RBFOX1: variants seen among roughly 807,000 people sequenced by gnomAD.
RBFOX1 encodes RNA binding protein fox-1 homolog 1.
Under a neutral mutation model 57.7 loss-of-function variants are expected in RBFOX1, and 8 were observed. The observed-to-expected ratio is 0.14, with a 90% CI of 0.08 to 0.25. RBFOX1 has a LOEUF of 0.25. Ranked by LOEUF, RBFOX1 falls within the 10% of genes least tolerant of loss-of-function variation. RBFOX1 has a pLI of 1.00. For missense variants in RBFOX1, 611 were observed against 548.5 expected (o/e 1.11, Z -1.14); for synonymous variants, 326 against 222.4 (o/e 1.47, Z -4.15).
At chr16:6,594,249 G>A (rs989145772) in intron 2 of RBFOX1, among the ~76,000 whole-genome samples, 2 of 152,166 alleles carry the variant, frequency 1.3e-5, no homozygotes, top group Admixed American at 1.3e-4. Context: ...GCTAAATGAA[G>A]AAGGAAACAC....
Position 7,711,235 on chromosome 16 carries a change from A to G in RBFOX1, c.*490A>G, listed in dbSNP as rs1477525382. ...CTGGGGTTTGGCTGAAAGAAAAAAA[A>G]AAAAATGTAACTGATGAATCTAAAC... On this transcript the variant is annotated 3_prime_UTR_variant, in exon 16 of 16. Transcript: ENST00000550418. 1 of 152,362 alleles carries G rather than the reference A, an allele frequency of 6.6e-6. No individual in the cohort carries two copies. Among genetic ancestry groups the G allele is most frequent in the African/African-American group, 2.4e-5 (1 of 41,386 alleles). 9.4% of individuals were successfully genotyped at this position (152,362 alleles called of 1,614,324 possible).
At chr16:6,930,600 G>A (rs1033724762) in intron 3 of RBFOX1, among the ~76,000 whole-genome samples, 1 of 152,044 alleles carries the variant, frequency 6.6e-6, no homozygotes, top group East Asian at 1.9e-4. Context: ...AGTAGAGATG[G>A]AGTTTTACCA....
At chr16:5,535,037 A>C (rs552321241) in intron 2 of RBFOX1, among the ~76,000 whole-genome samples, 2 of 152,204 alleles carry the variant, frequency 1.3e-5, no homozygotes, top group Admixed American at 6.5e-5. Flanking sequence ...AAAAATAACT[A>C]TCCTCATGGG....
At chr16:7,457,448 C>T (rs1449449703) in intron 4 of RBFOX1, among the ~76,000 whole-genome samples, 1 of 152,162 alleles carries the variant, frequency 6.6e-6, no homozygotes. Flanking sequence ...CACACGTACA[C>T]GGACACATCT....
At chr16:6,130,660 G>C (rs891122143) in intron 1 of RBFOX1, among the ~76,000 whole-genome samples, 12 of 152,108 alleles carry the variant, frequency 7.9e-5, no homozygotes, top group Non-Finnish European at 1.6e-4. Context: ...GACACAGTTA[G>C]ATTGAGTAAA....
intron 2 of RBFOX1, among the ~76,000 whole-genome samples, chr16:6,407,676 T>C (rs1454480769): frequency 2.0e-5 from 3 of 152,014 alleles, no homozygotes; most frequent in Non-Finnish European, 4.4e-5. Flanking sequence ...GGAGAGACTT[T>C]CATTAAACAA....
chr16:5,803,958 T>C (rs2055145559), intron 3 of RBFOX1, among the ~76,000 whole-genome samples: 1 of 152,336 alleles, frequency 6.6e-6, no homozygotes, highest in South Asian at 2.1e-4. Flanking sequence ...TGCCCTTCCC[T>C]ACTTGTCAAA....
At chr16:6,700,964 A>T (rs1347330037) in intron 3 of RBFOX1, among the ~76,000 whole-genome samples, 2 of 152,094 alleles carry the variant, frequency 1.3e-5, no homozygotes, top group African/African-American at 4.8e-5. Context: ...ATCAGAAGGC[A>T]TTGGGGGTAC....
chr16:7,488,490 C>G (rs990536909), intron 4 of RBFOX1, among the ~76,000 whole-genome samples: 13 of 152,082 alleles, frequency 8.5e-5, no homozygotes, highest in Admixed American at 6.6e-4. Flanking sequence ...CATTCATTAT[C>G]CATATATACA....
intron 4 of RBFOX1, among the ~76,000 whole-genome samples, chr16:7,228,532 A>G (rs1287356269): frequency 6.6e-6 from 1 of 152,190 alleles, no homozygotes; most frequent in Non-Finnish European, 1.5e-5. Context: ...ATGAAATTTT[A>G]CAGATTGGGA....
At chr16:7,048,504 C>A (rs545300227) in intron 3 of RBFOX1, among the ~76,000 whole-genome samples, 280 of 152,204 alleles carry the variant, frequency 1.8e-3, no homozygotes, top group Non-Finnish European at 3.3e-3. Context: ...CATGATCCAC[C>A]CGCCTCAGCC....
chr16:7,294,872 T>A (rs1413924337), intron 4 of RBFOX1, among the ~76,000 whole-genome samples: 2 of 152,180 alleles, frequency 1.3e-5, no homozygotes, highest in African/African-American at 2.4e-5. Flanking sequence ...TACTTTCTCA[T>A]TTTGTTCAAC....
At chr16:6,332,747 G>A (rs1302697857) in intron 2 of RBFOX1, among the ~76,000 whole-genome samples, 1 of 151,900 alleles carries the variant, frequency 6.6e-6, no homozygotes, top group Non-Finnish European at 1.5e-5. Context: ...CTGTTTTAGT[G>A]AATAGTTCAG....
intron 3 of RBFOX1, among the ~76,000 whole-genome samples, chr16:6,741,466 C>A (rs540445333): frequency 6.6e-6 from 1 of 152,016 alleles, no homozygotes; most frequent in Non-Finnish European, 1.5e-5. Context: ...GAGTTCGAGA[C>A]CAGCCTGGCT....
chr16:7,628,447 C>G (rs749972142), intron 10 of RBFOX1, among the ~76,000 whole-genome samples: 2 of 152,160 alleles, frequency 1.3e-5, no homozygotes, highest in Non-Finnish European at 2.9e-5. Context: ...GTAGAGGGGA[C>G]TAACTGTCTT....
At chr16:6,827,335 T>G (rs552368770) in intron 3 of RBFOX1, among the ~76,000 whole-genome samples, 1 of 152,198 alleles carries the variant, frequency 6.6e-6, no homozygotes, top group South Asian at 2.1e-4. Flanking sequence ...AGCAAGTAAA[T>G]CCATTAAAGA....
chr16:5,851,556 C>G (rs1485193850), intron 3 of RBFOX1, among the ~76,000 whole-genome samples: 1 of 152,164 alleles, frequency 6.6e-6, no homozygotes, highest in Non-Finnish European at 1.5e-5. Context: ...AGCAAACGGT[C>G]AACAGCAGGC....
At chr16:6,222,947 G>A (rs962823942) in intron 1 of RBFOX1, among the ~76,000 whole-genome samples, 6 of 151,456 alleles carry the variant, frequency 4.0e-5, no homozygotes, top group Non-Finnish European at 8.8e-5. Context: ...GAGAACATGC[G>A]GTGTTTGGTT....
At chr16:5,887,442 C>T (rs1412971443) in intron 4 of RBFOX1, among the ~76,000 whole-genome samples, 1 of 152,206 alleles carries the variant, frequency 6.6e-6, no homozygotes, top group Non-Finnish European at 1.5e-5. Flanking sequence ...CACTCTGTTG[C>T]CCAGGCTGGA....
Sources: allele counts gnomAD v4.1 joint callset (sites outside exome capture counted in the v4.1 genomes callset), GRCh38; gene constraint gnomAD v4.1.1; transcripts MANE v1.5; gene names NCBI Gene and HGNC (gene_info 2026-07-23, HGNC 2026-07-21).